The following ANKFY1 variants were observed in gnomAD, a reference collection of about 807,000 sequenced individuals.
ANKFY1 encodes ankyrin repeat and FYVE domain containing 1, also known as ankyrin repeat and FYVE domain-containing protein 1.
A neutral mutation model predicts 128.3 loss-of-function variants in ANKFY1; 47 were observed. The observed-to-expected ratio is 0.37, with a 90% CI of 0.29 to 0.47. The LOEUF (loss-of-function observed/expected upper bound fraction) is 0.47, where lower values mean the gene tolerates loss of function less well. ANKFY1 is among the 20% of genes least tolerant of loss of function. ANKFY1 has a pLI of 1.00. For missense variants in ANKFY1, 1,222 were observed against 1,510.6 expected, an observed-to-expected ratio of 0.81 and a Z score of 3.17; for synonymous variants, 553 against 601.6, an observed-to-expected ratio of 0.92 and a Z score of 1.18.
At chr17:4,212,106 T>G (rs1567948859) in intron 4 of ANKFY1, among the ~76,000 whole-genome samples, 1 of 152,278 alleles carries the variant, frequency 6.6e-6, no homozygotes, top group East Asian at 1.9e-4. Flanking sequence ...GGGGAAAAGG[T>G]GGCCAGGGAA....
At chr17:4,223,576 G>T (rs979830774) in intron 3 of ANKFY1, 1 of 1,241,446 alleles carries the variant, frequency 8.1e-7, no homozygotes, top group Non-Finnish European at 1.2e-6. Context: ...TAGCACTAGT[G>T]ATGTGTGGGG....
chr17:4,209,679 C>G, intron 5 of ANKFY1, 145 bp downstream of exon 5: 1 of 924,602 alleles, frequency 1.1e-6, no homozygotes, highest in Non-Finnish European at 1.6e-6. Context: ...TCTCATAGAT[C>G]ATCTAATCAA....
chr17:4,193,716 T>G (rs2143009141), intron 10 of ANKFY1, among the ~76,000 whole-genome samples: 1 of 151,148 alleles, frequency 6.6e-6, no homozygotes, highest in South Asian at 2.1e-4. Context: ...CGTGAGCCAC[T>G]GCGCCTGGCT....
intron 17 of ANKFY1, 30 bp from the exon 18 acceptor site, chr17:4,179,087 C>A: frequency 6.2e-7 from 1 of 1,606,882 alleles, no homozygotes; most frequent in South Asian, 1.1e-5. Flanking sequence ...ATTTAATGTT[C>A]AATTGCAAGA....
At chr17:4,251,580 T>C (rs1291694589) in intron 1 of ANKFY1, among the ~76,000 whole-genome samples, 3 of 119,108 alleles carry the variant, frequency 2.5e-5, no homozygotes, top group Admixed American at 7.7e-5. Context: ...GACTAAAACA[T>C]AGCAAAAATC....
chr17:4,216,308 T>G (rs1464263999), intron 4 of ANKFY1, among the ~76,000 whole-genome samples: 1 of 152,212 alleles, frequency 6.6e-6, no homozygotes, highest in African/African-American at 2.4e-5. Context: ...GATCACTAAA[T>G]GCTGTAAAAA....
intron 3 of ANKFY1, among the ~76,000 whole-genome samples, chr17:4,231,602 A>G (rs2060513091): frequency 6.6e-6 from 1 of 152,216 alleles, no homozygotes. Flanking sequence ...AAACACCTTT[A>G]AAGTGTATAT....
At chr17:4,216,844 C>G (rs956888785) in intron 4 of ANKFY1, 139 bp downstream of exon 4, 5 of 1,190,872 alleles carry the variant, frequency 4.2e-6, no homozygotes, top group Non-Finnish European at 4.8e-6. Context: ...GAGGTAACAT[C>G]TGTCCCCAGC....
At chr17:4,231,252 T>C (rs1308014018) in intron 3 of ANKFY1, among the ~76,000 whole-genome samples, 1 of 152,194 alleles carries the variant, frequency 6.6e-6, no homozygotes, top group Non-Finnish European at 1.5e-5. Context: ...TTCCAACACT[T>C]TGGGTAGCCA....
Position 4,169,398 on chromosome 17 carries a change from CAT to C in ANKFY1, c.3287-112_3287-111del. 1.3e-6 allele frequency: 1 copy of C among 782,436 alleles called. No homozygotes were observed. Among genetic ancestry groups the C allele is most frequent in the Non-Finnish European group, 2.1e-6 (1 of 466,186 alleles). 48.5% of individuals were successfully genotyped at this position (782,436 alleles called of 1,614,324 possible). A position where few individuals can be genotyped will look rare whatever the true frequency, so the allele number is the denominator to read the frequency against. On this transcript the variant is annotated intron_variant, in intron 23 of 24. Transcript: ENST00000341657. This position sits in a 1 kb window ranked among gnomAD's most constrained non-coding sequence, Gnocchi z 5.0. ...ACCCGTAAGTGAGGCAGCGCTGCCACATGACATAGGTGACGAAGGAGCGATAG... is the reference window on the plus strand; with the variant it reads ...ACCCGTAAGTGAGGCAGCGCTGCCACGACATAGGTGACGAAGGAGCGATAG...
intron 3 of ANKFY1, among the ~76,000 whole-genome samples, chr17:4,233,155 G>T (rs2060542667): frequency 6.6e-6 from 1 of 152,086 alleles, no homozygotes; most frequent in Non-Finnish European, 1.5e-5. Context: ...TGATTATATA[G>T]ATTTCAAAAG....
At chr17:4,236,234 A>G (rs988791778) in intron 2 of ANKFY1, among the ~76,000 whole-genome samples, 1 of 152,246 alleles carries the variant, frequency 6.6e-6, no homozygotes, top group Admixed American at 6.5e-5. Context: ...ATAGACTAAA[A>G]CAAGCTAAAC....
intron 10 of ANKFY1, among the ~76,000 whole-genome samples, chr17:4,194,041 A>G (rs1417441926): frequency 1.3e-5 from 2 of 148,558 alleles, no homozygotes; most frequent in African/African-American, 5.0e-5. Flanking sequence ...TACAGGTGTG[A>G]GCTACCATGC....
At chr17:4,189,034 C>A (rs994636540) in intron 11 of ANKFY1, among the ~76,000 whole-genome samples, 15 of 152,132 alleles carry the variant, frequency 9.9e-5, no homozygotes, top group African/African-American at 3.6e-4. Flanking sequence ...AGAGGAAAAC[C>A]CAAGCAAATG....
chr17:4,207,733 T>A (rs750948870), intron 6 of ANKFY1, among the ~76,000 whole-genome samples, 200 bp downstream of exon 6: 1 of 151,892 alleles, frequency 6.6e-6, no homozygotes, highest in Non-Finnish European at 1.5e-5. Context: ...GTTTTTAAAT[T>A]GGGCAATGGG....
intron 1 of ANKFY1, among the ~76,000 whole-genome samples, chr17:4,262,762 A>AC (rs1168821139): frequency 6.6e-6 from 1 of 151,694 alleles, no homozygotes; most frequent in Non-Finnish European, 1.5e-5. Context: ...ACACACACAC[A>AC]CCCCCCAAAA....
chr17:4,177,102 A>G (rs950377520), intron 19 of ANKFY1, 24 bp downstream of exon 19: 3 of 1,547,630 alleles, frequency 1.9e-6, no homozygotes, highest in Admixed American at 1.9e-5. Context: ...ATATTATTAC[A>G]TGCAATACTT....
Position 4,178,834 on chromosome 17 carries a change from A to G in ANKFY1, c.2598+23T>C. 1 of 1,610,270 alleles carries G rather than the reference A, an allele frequency of 6.2e-7. No individual in the cohort carries two copies. The highest frequency in any genetic ancestry group is 8.5e-7 in the Non-Finnish European group (1 of 1,176,904). Reference sequence around the variant, plus strand: ...CCGCGACGCCCAGGACCATGTGGAGAAGGTCAGGTGTTATTCACTCACCTG... The same window carrying G: ...CCGCGACGCCCAGGACCATGTGGAGGAGGTCAGGTGTTATTCACTCACCTG... On this transcript the variant is annotated intron_variant, in intron 18 of 24. Coordinates refer to ENST00000341657, the MANE Select transcript of ANKFY1 (RefSeq NM_001330063.2). The surrounding 1 kb of genome is among the most constrained non-coding windows in gnomAD (Gnocchi z 4.1).
At chr17:4,183,787 A>G in intron 13 of ANKFY1, 25 bp downstream of exon 13, 2 of 1,588,608 alleles carry the variant, frequency 1.3e-6, no homozygotes, top group Non-Finnish European at 1.7e-6. Flanking sequence ...GTCTGCAGAC[A>G]TCAGCGGCCC....
Sources: allele counts gnomAD v4.1 joint callset (sites outside exome capture counted in the v4.1 genomes callset), GRCh38; gene constraint gnomAD v4.1.1; non-coding constraint Gnocchi (gnomAD v3.1); transcripts MANE v1.5; gene names NCBI Gene and HGNC (gene_info 2026-07-23, HGNC 2026-07-21).